The following GPC3 variants were observed in gnomAD, a reference collection of about 807,000 sequenced individuals.
GPC3 encodes glypican-3.
GPC3 carries 3 observed loss-of-function variants against 34.4 expected under a neutral mutation model. The ratio of observed to expected loss-of-function variants is 0.09; its 90% CI spans 0.04 to 0.23. GPC3 has a LOEUF of 0.23. GPC3 is among the 10% of genes least tolerant of loss of function. GPC3 has a pLI of 1.00. For missense variants in GPC3, 351 were observed against 445.6 expected (o/e 0.79, Z 1.91); for synonymous variants, 177 against 174.0 (o/e 1.02, Z -0.13).
At chrX:133,546,914 T>G (rs139493424) in intron 7 of GPC3, among the ~76,000 whole-genome samples, 6,055 of 112,156 alleles carry the variant, frequency 0.054, 422 homozygotes, top group African/African-American at 0.19. Context: ...AGCTTTGGAA[T>G]TAACCTAAGT....
rs766327818 is a variant in GPC3 at position 133,957,201 on chromosome X, G to A, written c.176-3990C>T. On this transcript the variant is annotated intron_variant, in intron 1 of 7. Transcript: ENST00000370818. ...AGTGAACTGGTATAATTGATCTATG[G>A]GCTAAAAGTTAGCTATAGATTTAAG... Among the ~76,000 whole-genome samples, 11 of 111,630 alleles carry A rather than the reference G, an allele frequency of 9.9e-5. No homozygotes were observed. The South Asian group carries it at 2.6e-3, about 27-fold the overall frequency.
intron 2 of GPC3, among the ~76,000 whole-genome samples, chrX:133,851,547 T>C (rs181709396): frequency 4.0e-4 from 45 of 111,775 alleles, no homozygotes; most frequent in Non-Finnish European, 4.7e-4. Flanking sequence ...CTCTCTGAAG[T>C]GGGCCCTATC....
intron 2 of GPC3, among the ~76,000 whole-genome samples, chrX:133,881,976 C>T (rs902677031): frequency 3.6e-5 from 4 of 112,588 alleles, no homozygotes; most frequent in Non-Finnish European, 7.5e-5. Flanking sequence ...GGGCCCTTCG[C>T]GCCGTGCCTC....
At chrX:133,630,340 A>G (rs766620029) in intron 6 of GPC3, among the ~76,000 whole-genome samples, 1 of 112,108 alleles carries the variant, frequency 8.9e-6, no homozygotes, top group East Asian at 2.8e-4. Flanking sequence ...GCTTTTAACC[A>G]TGACATCCTC....
intron 1 of GPC3, among the ~76,000 whole-genome samples, chrX:133,981,601 C>T (rs1366556602): frequency 1.8e-5 from 2 of 112,084 alleles, no homozygotes; most frequent in African/African-American, 3.2e-5. Context: ...CCAAATGTCT[C>T]GTGCAATCTC....
intron 6 of GPC3, among the ~76,000 whole-genome samples, chrX:133,650,662 T>C (rs762252585): frequency 9.9e-5 from 11 of 111,453 alleles, no homozygotes; most frequent in Non-Finnish European, 2.1e-4. Context: ...ACTGGAAACG[T>C]TGTAGTCTCT....
intron 2 of GPC3, among the ~76,000 whole-genome samples, chrX:133,768,350 T>C (rs909018594): frequency 4.5e-5 from 5 of 111,520 alleles, no homozygotes; most frequent in Non-Finnish European, 7.5e-5. Flanking sequence ...CAGCAGGTCT[T>C]TGCAACCTCT....
intron 7 of GPC3, among the ~76,000 whole-genome samples, chrX:133,571,508 AC>A (rs1406845317): frequency 9.0e-6 from 1 of 111,260 alleles, no homozygotes; most frequent in African/African-American, 3.3e-5. Context: ...GACTACAGGC[AC>A]CCACCACCAC....
At chrX:133,729,194 A>G (rs146853079) in intron 3 of GPC3, among the ~76,000 whole-genome samples, 128 of 111,144 alleles carry the variant, frequency 1.2e-3, no homozygotes, top group African/African-American at 4.0e-3. Context: ...CCCAGGATCA[A>G]TGTTAGGTCT....
At chrX:133,714,958 GT>G (rs1279092813) in intron 3 of GPC3, among the ~76,000 whole-genome samples, 5 of 111,872 alleles carry the variant, frequency 4.5e-5, no homozygotes, top group African/African-American at 6.5e-5. Flanking sequence ...GTTTGTAATG[GT>G]TAATACTGAA....
chrX:133,911,121 A>G (rs897386420), intron 2 of GPC3, among the ~76,000 whole-genome samples: 2 of 112,627 alleles, frequency 1.8e-5, no homozygotes, highest in Admixed American at 9.4e-5. Context: ...TTAAAACATA[A>G]GCATTTCTGT....
At chrX:133,548,418 A>C (rs1218800381) in intron 7 of GPC3, among the ~76,000 whole-genome samples, 2 of 111,437 alleles carry the variant, frequency 1.8e-5, no homozygotes, top group Non-Finnish European at 3.8e-5. Flanking sequence ...CAAAATAAAT[A>C]AATAAATCAA....
intron 6 of GPC3, among the ~76,000 whole-genome samples, chrX:133,614,436 G>A (rs2070139333): frequency 9.2e-6 from 1 of 108,644 alleles, no homozygotes; most frequent in Non-Finnish European, 1.9e-5. Flanking sequence ...ATGAAAGCCA[G>A]AAGGCAGTGA....
chrX:133,727,376 T>C (rs765945529), intron 3 of GPC3, among the ~76,000 whole-genome samples: 2 of 110,544 alleles, frequency 1.8e-5, no homozygotes, highest in South Asian at 3.9e-4. Flanking sequence ...TGAAACCCCG[T>C]CTCTACTAAA....
intron 1 of GPC3, among the ~76,000 whole-genome samples, chrX:133,971,609 A>G (rs2076493979): frequency 4.5e-5 from 5 of 111,582 alleles, no homozygotes; most frequent in Non-Finnish European, 1.9e-5. Context: ...AAACAAAACC[A>G]TTTAATAAAT....
chrX:133,844,994 G>A (rs780332486), intron 2 of GPC3, among the ~76,000 whole-genome samples: 1 of 111,689 alleles, frequency 9.0e-6, no homozygotes, highest in South Asian at 3.8e-4. Flanking sequence ...AGACGGGGAG[G>A]TTGTAGGTAA....
intron 2 of GPC3, among the ~76,000 whole-genome samples, chrX:133,893,977 G>A (rs1178368753): frequency 9.0e-6 from 1 of 110,733 alleles, no homozygotes; most frequent in African/African-American, 3.3e-5. Flanking sequence ...CAAGTAGCTG[G>A]GATTACAGGC....
At chrX:133,845,344 C>T (rs1396571743) in intron 2 of GPC3, among the ~76,000 whole-genome samples, 1 of 111,538 alleles carries the variant, frequency 9.0e-6, no homozygotes, top group Non-Finnish European at 1.9e-5. Context: ...TGGCTGAGGA[C>T]AGAAAATGGG....
chrX:133,659,921 G>A (rs765291324), intron 6 of GPC3, among the ~76,000 whole-genome samples: 6 of 111,786 alleles, frequency 5.4e-5, no homozygotes, highest in East Asian at 5.6e-4. Flanking sequence ...GTTTTACATC[G>A]TTTGTGCTCT....
Sources: allele counts gnomAD v4.1 joint callset (sites outside exome capture counted in the v4.1 genomes callset), GRCh38; gene constraint gnomAD v4.1.1; transcripts MANE v1.5; gene names NCBI Gene and HGNC (gene_info 2026-07-23, HGNC 2026-07-21).